AMPD1: variants seen among roughly 807,000 people sequenced by gnomAD.
The protein encoded by AMPD1 is AMP deaminase 1.
In AMPD1, 74 loss-of-function variants were observed where a neutral mutation model predicts 82.9. The ratio of observed to expected loss-of-function variants is 0.89; its 90% CI spans 0.74 to 1.08. The LOEUF is 1.08. Ranked by LOEUF, AMPD1 falls within the 50% of genes least tolerant of loss-of-function variation. The probability of loss-of-function intolerance (pLI) is 0.00; values close to 1 mark genes in which losing one functional copy is unlikely to be tolerated. For synonymous variants in AMPD1, 333 were observed against 320.5 expected (o/e 1.04, Z -0.42); for missense variants, 881 against 924.5 (o/e 0.95, Z 0.61).
intron 2 of AMPD1, among the ~76,000 whole-genome samples, chr1:114,690,570 A>G (rs760826216): frequency 2.4e-4 from 36 of 152,192 alleles, no homozygotes; most frequent in Non-Finnish European, 4.4e-4. Flanking sequence ...TCATGCATCT[A>G]TTTGCCTTGT....
intron 5 of AMPD1, among the ~76,000 whole-genome samples, chr1:114,683,353 T>C (rs1030713208): frequency 2.0e-5 from 3 of 152,100 alleles, no homozygotes; most frequent in African/African-American, 4.8e-5. Context: ...TTGAACTATG[T>C]AGGGAACGAG....
intron 3 of AMPD1, among the ~76,000 whole-genome samples, chr1:114,687,423 A>G (rs888784994): frequency 2.0e-5 from 3 of 152,212 alleles, no homozygotes; most frequent in African/African-American, 7.2e-5. Flanking sequence ...ATCAACAAGT[A>G]TTTGTTGAGT....
intron 4 of AMPD1, among the ~76,000 whole-genome samples, chr1:114,684,733 G>A (rs550522149): frequency 3.3e-5 from 5 of 152,274 alleles, no homozygotes; most frequent in Admixed American, 6.5e-5. Flanking sequence ...AACATTTTAA[G>A]TACAAGACAA....
At chr1:114,683,193 C>A (rs1407890361) in intron 5 of AMPD1, 1 of 435,942 alleles carries the variant, frequency 2.3e-6, no homozygotes, top group Non-Finnish European at 4.5e-6. Context: ...ATGTAGTTTA[C>A]ATCTATCCAG....
rs1330974939 is a variant in AMPD1 at position 114,677,387 on chromosome 1, G to T, written c.1352C>A (p.Pro451His). Residue 451 changes from proline to histidine, a missense_variant, in exon 10 of 16, where the codon CCC becomes CAC. By Grantham distance (77) the Pro-to-His change is moderately conservative (BLOSUM62 -2). Coordinates refer to ENST00000520113, the MANE Select transcript of AMPD1 (RefSeq NM_000036.3). ...SWFVCNRIHCPNMTWMIQVPR... is the reference protein window; with the variant it reads ...SWFVCNRIHCHNMTWMIQVPR... ...AACCTGGATCATCCATGTCATGTTG[G>T]GGCAGTGGATGCGATTGCAGACGAA... is the stretch of plus-strand genomic sequence containing the variant. The T allele has an allele frequency of 8.1e-6, 13 of 1,610,602 alleles. No individual in the cohort carries two copies. The highest frequency in any genetic ancestry group is 1.1e-5 in the Non-Finnish European group (13 of 1,179,340).
intron 4 of AMPD1, among the ~76,000 whole-genome samples, 159 bp downstream of exon 4, chr1:114,686,586 C>A (rs1245409472): frequency 6.6e-6 from 1 of 152,186 alleles, no homozygotes; most frequent in Non-Finnish European, 1.5e-5. Context: ...AAACATAAGA[C>A]ATACCACCAT....
intron 6 of AMPD1, 28 bp downstream of exon 6, chr1:114,680,225 AGTTGTT>A: frequency 6.4e-7 from 1 of 1,558,770 alleles, no homozygotes; most frequent in Non-Finnish European, 8.8e-7. Flanking sequence ...TTGTAGTACT[AGTTGTT>A]GTTGTTTAGG....
chr1:114,675,150 T>TTATTC (rs1158663375), intron 12 of AMPD1, among the ~76,000 whole-genome samples: 1 of 152,188 alleles, frequency 6.6e-6, no homozygotes, highest in Non-Finnish European at 1.5e-5. Flanking sequence ...ATCTCATCAT[T>TTATTC]TATTCTATTC....
chr1:114,675,782 C>A (rs1018473855), intron 11 of AMPD1, 89 bp from the exon 12 acceptor site: 2 of 1,612,960 alleles, frequency 1.2e-6, no homozygotes. Context: ...AGGCACAGAC[C>A]AAACATAAAG....
At chr1:114,683,694 G>A (rs182167407) in intron 5 of AMPD1, among the ~76,000 whole-genome samples, 3 of 152,276 alleles carry the variant, frequency 2.0e-5, no homozygotes, top group Admixed American at 1.3e-4. Flanking sequence ...CCGAGAGGGT[G>A]CCGCTGCACT....
At chr1:114,677,314 G>C in intron 10 of AMPD1, 37 bp downstream of exon 10, 1 of 1,610,382 alleles carries the variant, frequency 6.2e-7, no homozygotes, top group South Asian at 1.1e-5. Flanking sequence ...GATGAGACAA[G>C]GGCAGGCTCT....
In AMPD1 at chr1:114,673,180, G is replaced by C. The variant is rs751594386; in HGVS notation, c.2178C>G (p.Ala726=). ...RRTNVAQIRM[A]YRYETWCYEL... ...CATAACACCAGGTTTCATAGCGATA[G>C]GCCATGCGGATTTGGGCTACATTTG... The change falls in exon 16 of 16, where the codon GCC becomes GCG. Residue 726 remains alanine (A), a synonymous_variant. Transcript: ENST00000520113. 1 of 1,614,068 alleles carries C rather than the reference G, an allele frequency of 6.2e-7. No homozygotes were observed. Among genetic ancestry groups the C allele is most frequent in the Non-Finnish European group, 8.5e-7 (1 of 1,179,988 alleles).
At position 114,688,201 on chromosome 1, in the gene AMPD1, T is replaced by C. The variant is rs113877460; in HGVS notation, c.215+360A>G. The stretch of plus-strand genomic sequence containing the variant: ...GGAGTGCAGTGGGGTGATCTTGGCT[T>C]ACTGCAACCTCCACCTCCCAGGTTC... On this transcript the variant is annotated intron_variant, in intron 3 of 15. Transcript: ENST00000520113. Among the ~76,000 whole-genome samples the C allele has an allele frequency of 1.2e-4, 19 of 152,106 alleles. No homozygotes were observed. In the East Asian group the frequency reaches 2.3e-3, roughly 19 times the overall value.
intron 5 of AMPD1, among the ~76,000 whole-genome samples, chr1:114,681,184 G>A (rs1658147821): frequency 6.6e-6 from 1 of 152,104 alleles, no homozygotes; most frequent in African/African-American, 2.4e-5. Flanking sequence ...AAAAAATAGA[G>A]TTTAGATCTT....
intron 5 of AMPD1, among the ~76,000 whole-genome samples, chr1:114,683,365 A>C (rs1658217674): frequency 6.6e-6 from 1 of 152,188 alleles, no homozygotes; most frequent in African/African-American, 2.4e-5. Context: ...GGGAACGAGA[A>C]ATATTTCCAA....
At chr1:114,677,305 A>G in intron 10 of AMPD1, 46 bp downstream of exon 10, 1 of 1,608,616 alleles carries the variant, frequency 6.2e-7, no homozygotes, top group Non-Finnish European at 8.5e-7. Flanking sequence ...CTTGAAGCAG[A>G]TGAGACAAGG....
chr1:114,684,872 G>A (rs2268697), intron 4 of AMPD1, among the ~76,000 whole-genome samples: 66,496 of 151,938 alleles, frequency 0.44, 15,101 homozygotes, highest in South Asian at 0.53. Context: ...CTTCAGCTAC[G>A]ATGGATCACA....
chr1:114,679,690 C>T lies in AMPD1; in HGVS notation c.786G>A (p.Arg262=), dbSNP rs547330091. Residue 262 remains arginine, a synonymous_variant, in exon 7 of 16, where the codon CGG becomes CGA. Transcript: ENST00000520113. ...AQGPVKTYTH[R]RLKFLSSKFQ... ...ACTTGGAGGAGAGGAACTTCAGGCG[C>T]CGGTGGGTATAGGTCTTACTGTGAA... 4 of 1,613,850 alleles carry T rather than the reference C, an allele frequency of 2.5e-6. No homozygotes were observed. The African/African-American group carries it at 5.3e-5, about 22-fold the overall frequency.
chr1:114,687,725 C>G (rs1035809840), intron 3 of AMPD1, among the ~76,000 whole-genome samples: 1 of 151,840 alleles, frequency 6.6e-6, no homozygotes, highest in Non-Finnish European at 1.5e-5. Context: ...AAAGACTGCT[C>G]GGGGGAGGCA....
Sources: allele counts gnomAD v4.1 joint callset (sites outside exome capture counted in the v4.1 genomes callset), GRCh38; gene constraint gnomAD v4.1.1; transcripts MANE v1.5; gene names NCBI Gene and HGNC (gene_info 2026-07-23, HGNC 2026-07-21).